The following COL26A1 variants were observed in gnomAD, a reference collection of about 807,000 sequenced individuals.
The protein encoded by COL26A1 is collagen alpha-1(XXVI) chain.
COL26A1 carries 41 observed loss-of-function variants against 59.3 expected under a neutral mutation model. That is an observed-to-expected ratio of 0.69 (90% CI 0.54 to 0.90). COL26A1 has a LOEUF of 0.90. Among genes scored for constraint, COL26A1 ranks in the 40% least tolerant of loss-of-function variants. The probability of loss-of-function intolerance (pLI) is 0.00; values close to 1 mark genes in which losing one functional copy is unlikely to be tolerated. For missense variants in COL26A1, 612 were observed against 602.3 expected, an observed-to-expected ratio of 1.02 and a Z score of -0.17; for synonymous variants, 266 against 256.0, an observed-to-expected ratio of 1.04 and a Z score of -0.37.
intron 3 of COL26A1, among the ~76,000 whole-genome samples, chr7:101,510,851 G>A (rs960871395): frequency 2.0e-5 from 3 of 151,520 alleles, no homozygotes; most frequent in African/African-American, 7.3e-5. Context: ...GCCACACAAG[G>A]TGATTCAGAG....
At position 101,547,052 on chromosome 7, in the gene COL26A1, C is replaced by T. The variant is rs185081079; in HGVS notation, c.857-104C>T. On this transcript the variant is annotated intron_variant, in intron 7 of 12. Coordinates refer to ENST00000313669, the MANE Select transcript of COL26A1 (RefSeq NM_001278563.3). ...CCCCAGGGTGATGGGAGGAGCCCCCCTGGGCTTCGTGTGGCCTGGCTCAGG... is the reference window on the plus strand; with the variant it reads ...CCCCAGGGTGATGGGAGGAGCCCCCTTGGGCTTCGTGTGGCCTGGCTCAGG... The T allele has an allele frequency of 7.4e-5, 55 of 747,582 alleles. No individual in the cohort carries two copies. In the African/African-American group the frequency reaches 8.8e-4, roughly 12 times the overall value. The allele number at this position is 747,582 out of a possible 1,614,324, so 46.3% of individuals were successfully genotyped here.
chr7:101,389,025 A>G, intron 1 of COL26A1: 2 of 290,822 alleles, frequency 6.9e-6, no homozygotes, highest in Non-Finnish European at 6.6e-6. Flanking sequence ...TTTAGCCTTG[A>G]GGTGACCGTT....
At position 101,544,034 on chromosome 7, in the gene COL26A1, G is replaced by GC. The variant is rs762324149; in HGVS notation, c.648dup (p.Gly217ArgfsTer3). ...CAGACAGGACCACCAGGGCCTGCAG[G>GC]CCCCCCCGGGTCTAAAGGTGACCGA... On this transcript the variant is annotated frameshift_variant, in exon 6 of 13. Transcript: ENST00000313669. LOFTEE classifies it high-confidence loss of function. 1.3e-5 allele frequency: 20 copies of GC among 1,597,522 alleles called. No homozygotes were observed. Among genetic ancestry groups the GC allele is most frequent in the Non-Finnish European group, 1.3e-5 (15 of 1,172,946 alleles).
chr7:101,544,223 G>T (rs563110409), intron 6 of COL26A1, 127 bp downstream of exon 6: 2 of 665,504 alleles, frequency 3.0e-6, no homozygotes, highest in Admixed American at 3.0e-5. Flanking sequence ...CAGAAAAACG[G>T]GGTCTTTTTT....
chr7:101,547,024 G>A (rs1795749816), intron 7 of COL26A1, 132 bp from the exon 8 acceptor site: 2 of 592,846 alleles, frequency 3.4e-6, no homozygotes, highest in Admixed American at 3.0e-5. Flanking sequence ...TATCTGCAGC[G>A]GGCCCCAGGG....
chr7:101,463,636 TTCCTTCCATCCTTCCA>T (rs1294437692), intron 3 of COL26A1, among the ~76,000 whole-genome samples: 3,941 of 50,380 alleles, frequency 0.078, 116 homozygotes, highest in Non-Finnish European at 0.11. Flanking sequence ...TCTTCCTTCC[TTCCTTCCATCCTTCCA>T]TCCTTCCATC....
intron 3 of COL26A1, among the ~76,000 whole-genome samples, chr7:101,480,143 G>C (rs1315728424): frequency 6.6e-6 from 1 of 152,100 alleles, no homozygotes; most frequent in African/African-American, 2.4e-5. Flanking sequence ...CCCAGTGGAA[G>C]TTCTTTCAGA....
At chr7:101,369,031 T>G (rs1359251576) in intron 1 of COL26A1, among the ~76,000 whole-genome samples, 7 of 152,122 alleles carry the variant, frequency 4.6e-5, no homozygotes, top group African/African-American at 7.2e-5. Flanking sequence ...CCTCCTTTTC[T>G]TACACAGAGG....
chr7:101,523,881 C>T (rs991771275), intron 3 of COL26A1, among the ~76,000 whole-genome samples: 26 of 145,806 alleles, frequency 1.8e-4, no homozygotes, highest in African/African-American at 6.3e-4. Flanking sequence ...CAATTTCCAC[C>T]AAAAAAAAAA....
chr7:101,466,837 T>TGTGTGTGTGTGTGTGTGAGAGA (rs764059657), intron 3 of COL26A1, among the ~76,000 whole-genome samples: 1 of 122,708 alleles, frequency 8.1e-6, no homozygotes, highest in Admixed American at 8.2e-5. Context: ...TGTGTGTGTG[T>TGTGTGTGTGTGTGTGTGAGAGA]GAGAGAGAGA....
intron 1 of COL26A1, among the ~76,000 whole-genome samples, chr7:101,416,261 G>A (rs10441232): frequency 0.12 from 16,994 of 141,616 alleles, 2,893 homozygotes; most frequent in African/African-American, 0.24. Flanking sequence ...GCATGTTGGC[G>A]CACACCTGTG....
chr7:101,418,706 T>G (rs1792435938), intron 1 of COL26A1, among the ~76,000 whole-genome samples: 1 of 151,888 alleles, frequency 6.6e-6, no homozygotes, highest in Non-Finnish European at 1.5e-5. Context: ...GCTCAAGTGA[T>G]CCATCCTCCT....
intron 1 of COL26A1, among the ~76,000 whole-genome samples, chr7:101,399,991 G>C (rs1161496608): frequency 6.6e-6 from 1 of 152,182 alleles, no homozygotes; most frequent in East Asian, 1.9e-4. Flanking sequence ...CAGGGAGAGA[G>C]AGACAGTCAT....
intron 2 of COL26A1, among the ~76,000 whole-genome samples, chr7:101,440,975 CA>C (rs71891771): frequency 0.34 from 34,361 of 100,184 alleles, 8,062 homozygotes; most frequent in African/African-American, 0.68. Context: ...GACTCCGTCT[CA>C]AAAAAAAAAA....
chr7:101,408,376 G>A (rs931140953), intron 1 of COL26A1, among the ~76,000 whole-genome samples: 5 of 152,298 alleles, frequency 3.3e-5, no homozygotes, highest in East Asian at 1.9e-4. Context: ...TTTCAAGTGC[G>A]CCTCCACCAG....
intron 3 of COL26A1, among the ~76,000 whole-genome samples, chr7:101,511,472 G>A (rs1340189402): frequency 1.3e-5 from 2 of 152,212 alleles, no homozygotes; most frequent in African/African-American, 4.8e-5. Context: ...GAGCCCTTGT[G>A]GGTTCCGTTA....
chr7:101,488,882 C>T (rs1794326571), intron 3 of COL26A1, among the ~76,000 whole-genome samples: 1 of 152,164 alleles, frequency 6.6e-6, no homozygotes. Flanking sequence ...AGCCAGTTTA[C>T]AGCTCTGTAA....
At chr7:101,469,846 C>G (rs1407781779) in intron 3 of COL26A1, among the ~76,000 whole-genome samples, 1 of 152,034 alleles carries the variant, frequency 6.6e-6, no homozygotes, top group African/African-American at 2.4e-5. Context: ...TCACAGAACT[C>G]AGGAAAGCAC....
At chr7:101,490,514 C>A (rs1794434036) in intron 3 of COL26A1, among the ~76,000 whole-genome samples, 1 of 151,780 alleles carries the variant, frequency 6.6e-6, no homozygotes, top group Non-Finnish European at 1.5e-5. Context: ...CCAGCCTGAC[C>A]AACATGGTGA....
Sources: gnomAD v4.1 joint callset for allele counts (sites outside exome capture counted in the v4.1 genomes callset) on GRCh38, gnomAD v4.1.1 for gene constraint, MANE v1.5 for transcripts, NCBI Gene and HGNC (gene_info 2026-07-23, HGNC 2026-07-21) for gene names.